The following PDZD2 variants were observed in gnomAD, a reference collection of about 807,000 sequenced individuals.
PDZD2 encodes the protein PDZ domain-containing protein 2.
Under a neutral mutation model 220.7 loss-of-function variants are expected in PDZD2, and 90 were observed. That is an observed-to-expected ratio of 0.41 (90% CI 0.34 to 0.49). PDZD2 has a LOEUF of 0.49. PDZD2 is among the 20% of genes least tolerant of loss of function. The probability of loss-of-function intolerance (pLI) is 0.28; values close to 1 mark genes in which losing one functional copy is unlikely to be tolerated. For missense variants in PDZD2, 3,174 were observed against 3,608.5 expected, an observed-to-expected ratio of 0.88 and a Z score of 3.08; for synonymous variants, 1,375 against 1,450.5, an observed-to-expected ratio of 0.95 and a Z score of 1.18.
At chr5:31,964,799 TC>T (rs1748571695) in intron 2 of PDZD2, among the ~76,000 whole-genome samples, 1 of 152,178 alleles carries the variant, frequency 6.6e-6, no homozygotes, top group Admixed American at 6.5e-5. Flanking sequence ...CACTGCAAGC[TC>T]CGCCTCCCGG....
rs114549963 is a variant in PDZD2, at chr5:31,848,413, C to T, written c.476+48689C>T. ...ATAAAGGTGAACCTTGATTTGAATT[C>T]TTCAGCTTTGTGGGAGATAGCAATG... On this transcript the variant is annotated intron_variant, in intron 2 of 24. Coordinates refer to ENST00000438447, the MANE Select transcript of PDZD2 (RefSeq NM_178140.4). 7.8e-3 allele frequency among the ~76,000 whole-genome samples: 1,189 copies of T among 152,350 alleles called. 12 individuals carry two copies. Among genetic ancestry groups the T allele is most frequent in the African/African-American group, 0.027 (1,133 of 41,584 alleles).
At chr5:31,936,720 G>A (rs571953879) in intron 2 of PDZD2, among the ~76,000 whole-genome samples, 3 of 152,352 alleles carry the variant, frequency 2.0e-5, no homozygotes, top group East Asian at 3.9e-4. Flanking sequence ...AGGCTTGACT[G>A]TGGCTCCATT....
chr5:31,799,725 G>GT lies in PDZD2; in HGVS notation c.476+2dup. On this transcript the variant is annotated splice_donor_variant, in intron 2 of 24. Coordinates refer to ENST00000438447, the MANE Select transcript of PDZD2 (RefSeq NM_178140.4). LOFTEE classifies it high-confidence loss of function. ...TTGGAGTTGATGTCAGTGGGGCCAG[G>GT]TAAGTAGGGGGAATGCCTGCTGGCA... is the stretch of plus-strand genomic sequence containing the variant. The GT allele has an allele frequency of 6.3e-7, 1 of 1,598,358 alleles. No individual in the cohort carries two copies. Among genetic ancestry groups the GT allele is most frequent in the Non-Finnish European group, 8.6e-7 (1 of 1,166,028 alleles).
At chr5:32,099,371 C>T in intron 23 of PDZD2, 1 of 152,422 alleles carries the variant, frequency 6.6e-6, no homozygotes, top group Non-Finnish European at 1.5e-5. Flanking sequence ...TCCTTCTCCA[C>T]ATCTCTCCCT....
intron 2 of PDZD2, among the ~76,000 whole-genome samples, chr5:31,976,393 A>G (rs1212306349): frequency 1.3e-5 from 2 of 152,158 alleles, no homozygotes; most frequent in African/African-American, 4.8e-5. Flanking sequence ...TAGGGGAGGG[A>G]AAATCCTGGG....
chr5:31,738,989 A>T (rs998063510), intron 1 of PDZD2, among the ~76,000 whole-genome samples: 221 of 152,034 alleles, frequency 1.5e-3, no homozygotes, highest in African/African-American at 5.1e-3. Flanking sequence ...GGGTTGAAGC[A>T]ATTCTCCTGC....
chr5:31,729,099 C>CTTT (rs10650811), intron 1 of PDZD2, among the ~76,000 whole-genome samples: 1,808 of 123,302 alleles, frequency 0.015, 118 homozygotes, highest in African/African-American at 0.042. Context: ...TGATCGAAAT[C>CTTT]TTTTTTTTTT....
chr5:32,094,613 G>T (rs1357257845), intron 21 of PDZD2, among the ~76,000 whole-genome samples: 1 of 151,214 alleles, frequency 6.6e-6, no homozygotes, highest in African/African-American at 2.4e-5. Flanking sequence ...GGTCTGTGCA[G>T]TTAAGACATG....
intron 1 of PDZD2, among the ~76,000 whole-genome samples, chr5:31,784,780 G>T (rs1753280144): frequency 6.6e-6 from 1 of 152,098 alleles, no homozygotes; most frequent in African/African-American, 2.4e-5. Flanking sequence ...GGTGGCACAT[G>T]CCTGTAATCC....
At chr5:31,703,280 A>T (rs1261457275) in intron 1 of PDZD2, among the ~76,000 whole-genome samples, 1 of 152,222 alleles carries the variant, frequency 6.6e-6, no homozygotes, top group Admixed American at 6.5e-5. Flanking sequence ...TATACACCAT[A>T]GAATACTATG....
Position 32,088,449 on chromosome 5 carries a change from A to G in PDZD2, c.5001A>G (p.Ser1667=), listed in dbSNP as rs751927178. ...TSGPDSSQPS[S]LLEMSSQEHE... Reference sequence around the variant, plus strand: ...GCCCAGACTCTTCCCAGCCATCATCACTCTTGGAGATGAGCTCTCAGGAGC... The same window carrying G: ...GCCCAGACTCTTCCCAGCCATCATCGCTCTTGGAGATGAGCTCTCAGGAGC... Residue 1667 remains serine, a synonymous_variant, in exon 20 of 25, where the codon TCA becomes TCG. Coordinates refer to ENST00000438447, the MANE Select transcript of PDZD2 (RefSeq NM_178140.4). The surrounding 1 kb of genome is among the most constrained non-coding windows in gnomAD (Gnocchi z 4.6). The G allele has an allele frequency of 1.5e-5, 24 of 1,613,600 alleles. No homozygotes were observed. The African/African-American group carries it at 3.1e-4, about 21-fold the overall frequency.
intron 4 of PDZD2, among the ~76,000 whole-genome samples, chr5:31,998,388 G>A (rs1751812407): frequency 6.6e-6 from 1 of 152,186 alleles, no homozygotes; most frequent in South Asian, 2.1e-4. Flanking sequence ...CCTGTCTCCT[G>A]TTAAAGCCCA....
chr5:31,869,433 G>T (rs1464165267), intron 2 of PDZD2, among the ~76,000 whole-genome samples: 1 of 152,060 alleles, frequency 6.6e-6, no homozygotes, highest in African/African-American at 2.4e-5. Flanking sequence ...CGTGGTGGCG[G>T]GCGCCTGTAG....
intron 1 of PDZD2, among the ~76,000 whole-genome samples, chr5:31,666,029 T>C (rs1369196542): frequency 6.6e-6 from 1 of 152,230 alleles, no homozygotes; most frequent in African/African-American, 2.4e-5. Context: ...CAGCGTGGGC[T>C]CCCAGATCAC....
chr5:31,755,367 CG>C (rs1561434121), intron 1 of PDZD2, among the ~76,000 whole-genome samples: 3 of 152,128 alleles, frequency 2.0e-5, no homozygotes. Flanking sequence ...GCTTGGAAGT[CG>C]GCAATGGCCA....
chr5:31,844,208 G>T (rs1270003931), intron 2 of PDZD2, among the ~76,000 whole-genome samples: 1 of 152,184 alleles, frequency 6.6e-6, no homozygotes, highest in East Asian at 1.9e-4. Context: ...CAATTGAATG[G>T]TAATTGCTTG....
intron 5 of PDZD2, among the ~76,000 whole-genome samples, chr5:32,001,925 A>T (rs889125676): frequency 1.3e-5 from 2 of 152,092 alleles, no homozygotes; most frequent in Non-Finnish European, 2.9e-5. Flanking sequence ...CTTTATTCCA[A>T]TTCCAGCCGG....
At chr5:31,681,150 T>G (rs1746636582) in intron 1 of PDZD2, among the ~76,000 whole-genome samples, 1 of 152,230 alleles carries the variant, frequency 6.6e-6, no homozygotes. Context: ...GCAACTTGGA[T>G]GGAAAATTAC....
At position 31,723,640 on chromosome 5, in the gene PDZD2, G is replaced by A. The variant is rs375993976; in HGVS notation, c.-360-75249G>A. Among the ~76,000 whole-genome samples the A allele has an allele frequency of 1.8e-4, 28 of 151,844 alleles. 1 individual carries two copies. The South Asian group carries it at 5.2e-3, about 28-fold the overall frequency. ...TATTATTTTTATTATTTTTTGAGAC[G>A]AAGTCTCGCTCTTGTCACCCAGGCT... is the stretch of plus-strand genomic sequence containing the variant. On this transcript the variant is annotated intron_variant, in intron 1 of 24. Coordinates refer to ENST00000438447, the MANE Select transcript of PDZD2 (RefSeq NM_178140.4).
Sources: allele counts gnomAD v4.1 joint callset (sites outside exome capture counted in the v4.1 genomes callset), GRCh38; gene constraint gnomAD v4.1.1; non-coding constraint Gnocchi (gnomAD v3.1); transcripts MANE v1.5; gene names NCBI Gene and HGNC (gene_info 2026-07-23, HGNC 2026-07-21).